The following NSD3 variants were observed in gnomAD, a reference collection of about 807,000 sequenced individuals.
The protein encoded by NSD3 is nuclear receptor binding SET domain protein 3.
In NSD3, 24 loss-of-function variants were observed where a neutral mutation model predicts 160.8. That is an observed-to-expected ratio of 0.15 (90% CI 0.11 to 0.21). The LOEUF is 0.21. NSD3 is among the 10% of genes least tolerant of loss of function. The pLI is 1.00. For synonymous variants in NSD3, 520 were observed against 600.0 expected, an observed-to-expected ratio of 0.87 and a Z score of 1.95; for missense variants, 1,157 against 1,735.9, an observed-to-expected ratio of 0.67 and a Z score of 5.93.
intron 16 of NSD3, among the ~76,000 whole-genome samples, chr8:38,295,174 GA>G (rs35230634): frequency 3.5e-5 from 5 of 142,872 alleles, no homozygotes; most frequent in Admixed American, 1.4e-4. Context: ...GTTTTTTTTG[GA>G]AAAAAAAAAT....
chr8:38,337,256 A>C (rs1243336137), intron 4 of NSD3, 49 bp downstream of exon 4: 1 of 1,467,418 alleles, frequency 6.8e-7, no homozygotes, highest in South Asian at 1.5e-5. Flanking sequence ...TTTAAAAGTC[A>C]CTTTTATTTC....
chr8:38,301,230 C>G (rs1317808150), intron 14 of NSD3, among the ~76,000 whole-genome samples: 3 of 152,194 alleles, frequency 2.0e-5, no homozygotes, highest in Admixed American at 1.3e-4. Flanking sequence ...CTCAGCATCT[C>G]AAAATGCTGG....
At chr8:38,356,237 T>C (rs1174258452) in intron 1 of NSD3, among the ~76,000 whole-genome samples, 1 of 152,226 alleles carries the variant, frequency 6.6e-6, no homozygotes, top group Non-Finnish European at 1.5e-5. Context: ...TGAATACTTC[T>C]AATTTTGCTG....
intron 1 of NSD3, among the ~76,000 whole-genome samples, chr8:38,374,481 G>A (rs1811338871): frequency 6.6e-6 from 1 of 152,024 alleles, no homozygotes; most frequent in African/African-American, 2.4e-5. Flanking sequence ...ACAGAGCCCG[G>A]CGCAGTGGCA....
chr8:38,280,613 T>C (rs1026670753), intron 20 of NSD3, among the ~76,000 whole-genome samples: 1 of 152,206 alleles, frequency 6.6e-6, no homozygotes, highest in African/African-American at 2.4e-5. Context: ...GGACATCAGC[T>C]TCTTGTCCTC....
intron 16 of NSD3, among the ~76,000 whole-genome samples, chr8:38,292,873 G>A (rs1412783332): frequency 1.3e-5 from 2 of 152,176 alleles, no homozygotes; most frequent in African/African-American, 2.4e-5. Flanking sequence ...TTGGGAGGCT[G>A]AGGCAGGAGA....
At chr8:38,323,958 C>T (rs992342558) in intron 7 of NSD3, among the ~76,000 whole-genome samples, 1 of 152,078 alleles carries the variant, frequency 6.6e-6, no homozygotes, top group African/African-American at 2.4e-5. Context: ...TAGGAAACTG[C>T]TGATTTCAAA....
At position 38,288,868 on chromosome 8, in the gene NSD3, G is replaced by T; in HGVS notation, c.3232-112C>A. 7.3e-7 allele frequency: 1 copy of T among 1,366,282 alleles called. No homozygotes were observed. Among genetic ancestry groups the T allele is most frequent in the South Asian group, 1.4e-5 (1 of 70,548 alleles). 84.6% of individuals were successfully genotyped at this position (1,366,282 alleles called of 1,614,324 possible). A position where few individuals can be genotyped will look rare whatever the true frequency, so the allele number is the denominator to read the frequency against. ...TGCCTCGTGGTGCTACTCCGAGAAA[G>T]GTTGTCTTTCCTGATGAATAAGCTG... On this transcript the variant is annotated intron_variant, in intron 18 of 23. Transcript: ENST00000317025. This position sits in a 1 kb window ranked among gnomAD's most constrained non-coding sequence, Gnocchi z 4.5.
chr8:38,317,919 A>G lies in NSD3; in HGVS notation c.1855+976T>C. 1 of 1,613,846 alleles carries G rather than the reference A, an allele frequency of 6.2e-7. No homozygotes were observed. The highest frequency in any genetic ancestry group is 8.5e-7 in the Non-Finnish European group (1 of 1,179,906). Reference sequence around the variant, plus strand: ...CAAAGAAATCTTGCATGGAGACTACAAGTCTGGAGTTTCTGGGATGAAATT... The same window carrying G: ...CAAAGAAATCTTGCATGGAGACTACGAGTCTGGAGTTTCTGGGATGAAATT... On this transcript the variant is annotated intron_variant, in intron 9 of 23. Coordinates refer to ENST00000317025, the MANE Select transcript of NSD3 (RefSeq NM_023034.2). This position sits in a 1 kb window ranked among gnomAD's most constrained non-coding sequence, Gnocchi z 5.3.
chr8:38,288,560 A>G lies in NSD3; in HGVS notation c.3428T>C (p.Leu1143Pro). ...TTTGATGATCTCTGCATCAGGGTAT[A>G]GTCTCTTTGTAAAGCACTGGTTCTG... ...RCQNQCFTKR[L>P]YPDAEIIKTE... Residue 1143 changes from leucine to proline, a missense_variant, in exon 19 of 24, where the codon CTA (leucine) becomes CCA (proline). Leu to Pro is a moderately conservative substitution (Grantham distance 98). This residue lies in a region of NSD3 where 222 missense variants were observed against 409.9 expected (regional missense o/e 0.54). Coordinates refer to ENST00000317025, the MANE Select transcript of NSD3 (RefSeq NM_023034.2). This position sits in a 1 kb window ranked among gnomAD's most constrained non-coding sequence, Gnocchi z 4.5. 6.2e-7 allele frequency: 1 copy of G among 1,614,122 alleles called. No homozygotes were observed. Among genetic ancestry groups the G allele is most frequent in the Non-Finnish European group, 8.5e-7 (1 of 1,180,024 alleles).
At chr8:38,330,271 A>G (rs1435607208) in intron 5 of NSD3, among the ~76,000 whole-genome samples, 1 of 152,170 alleles carries the variant, frequency 6.6e-6, no homozygotes, top group Non-Finnish European at 1.5e-5. Flanking sequence ...GAAACTCCCA[A>G]TTCTCTCCCA....
intron 14 of NSD3, among the ~76,000 whole-genome samples, chr8:38,301,320 G>A (rs369990729): frequency 6.6e-6 from 1 of 152,246 alleles, no homozygotes; most frequent in Non-Finnish European, 1.5e-5. Flanking sequence ...GCTCACGCCT[G>A]TAATCCCAGC....
intron 20 of NSD3, among the ~76,000 whole-genome samples, chr8:38,280,924 A>C (rs1194487799): frequency 6.6e-6 from 1 of 151,524 alleles, no homozygotes; most frequent in Non-Finnish European, 1.5e-5. Flanking sequence ...GGCTAACTTT[A>C]TTTTTATTTT....
chr8:38,337,421 C>T lies in NSD3; in HGVS notation c.794G>A (p.Gly265Asp), dbSNP rs763041604. The stretch of plus-strand genomic sequence containing the variant: ...AAGATCGCCAACCTGAAACTTAACA[C>T]CAGTGGACACTTCCGTTGTTGGAAC... ...SSVPTTEVST[G>D]VKFQVGDLVW... Residue 265 changes from glycine to aspartate, a missense_variant, in exon 4 of 24, where the codon GGT becomes GAT. Coordinates refer to ENST00000317025, the MANE Select transcript of NSD3 (RefSeq NM_023034.2). 6 of 1,611,616 alleles carry T rather than the reference C, an allele frequency of 3.7e-6. No homozygotes were observed. Among genetic ancestry groups the T allele is most frequent in the Non-Finnish European group, 4.2e-6 (5 of 1,179,128 alleles).
chr8:38,301,637 G>GGAGTAGT (rs1809279513), intron 14 of NSD3, among the ~76,000 whole-genome samples: 1 of 152,144 alleles, frequency 6.6e-6, no homozygotes, highest in Non-Finnish European at 1.5e-5. Context: ...AGAGGGAGAT[G>GGAGTAGT]GAGTAGTGTA....
chr8:38,363,173 T>C (rs912020927), intron 1 of NSD3, among the ~76,000 whole-genome samples: 1 of 152,210 alleles, frequency 6.6e-6, no homozygotes, highest in Non-Finnish European at 1.5e-5. Flanking sequence ...CATCCCCTAG[T>C]ATGTGAGGGA....
chr8:38,329,329 C>A lies in NSD3; in HGVS notation c.1581+49G>T. 1 of 1,568,164 alleles carries A rather than the reference C, an allele frequency of 6.4e-7. No homozygotes were observed. Among genetic ancestry groups the A allele is most frequent in the South Asian group, 1.2e-5 (1 of 83,884 alleles). The stretch of plus-strand genomic sequence containing the variant: ...CATTGTTTTAAATGCCAAGGTTGAC[C>A]ACTTTTAAAATACCATCCCCCAAAA... On this transcript the variant is annotated intron_variant, in intron 6 of 23. Coordinates refer to ENST00000317025, the MANE Select transcript of NSD3 (RefSeq NM_023034.2). The surrounding 1 kb of genome is among the most constrained non-coding windows in gnomAD (Gnocchi z 4.8).
At chr8:38,300,377 A>G (rs539741502) in intron 14 of NSD3, among the ~76,000 whole-genome samples, 18 of 152,234 alleles carry the variant, frequency 1.2e-4, no homozygotes, top group African/African-American at 4.3e-4. Context: ...TTTTGTGCCC[A>G]GGCTGGTCTC....
At chr8:38,336,472 A>G (rs1183727503) in intron 4 of NSD3, among the ~76,000 whole-genome samples, 1 of 152,182 alleles carries the variant, frequency 6.6e-6, no homozygotes, top group African/African-American at 2.4e-5. Flanking sequence ...CAAATTTACA[A>G]GGATGCCCCA....
Sources: allele counts gnomAD v4.1 joint callset (sites outside exome capture counted in the v4.1 genomes callset), GRCh38; gene constraint gnomAD v4.1.1; regional missense constraint gnomAD v4.1.1; non-coding constraint Gnocchi (gnomAD v3.1); transcripts MANE v1.5; gene names NCBI Gene and HGNC (gene_info 2026-07-23, HGNC 2026-07-21).